Variants in TNRC6A observed in about 807,000 individuals in gnomAD.
The protein encoded by TNRC6A is trinucleotide repeat-containing gene 6A protein.
A neutral mutation model predicts 221.2 loss-of-function variants in TNRC6A; 44 were observed. The ratio of observed to expected loss-of-function variants is 0.20; its 90% CI spans 0.16 to 0.26. The LOEUF (loss-of-function observed/expected upper bound fraction) is 0.26. TNRC6A is among the 10% of genes least tolerant of loss of function. TNRC6A has a pLI of 1.00. For missense variants in TNRC6A, 2,199 were observed against 2,404.4 expected, an observed-to-expected ratio of 0.91 and a Z score of 1.79; for synonymous variants, 847 against 838.5, an observed-to-expected ratio of 1.01 and a Z score of -0.18.
chr16:24,743,476 C>T (rs2056936534), intron 2 of TNRC6A, among the ~76,000 whole-genome samples: 1 of 152,084 alleles, frequency 6.6e-6, no homozygotes, highest in African/African-American at 2.4e-5. Flanking sequence ...CAGGCATGCA[C>T]CACCACACCC....
chr16:24,744,499 C>T (rs1027966451), intron 2 of TNRC6A, among the ~76,000 whole-genome samples: 1 of 152,132 alleles, frequency 6.6e-6, no homozygotes, highest in Admixed American at 6.5e-5. Flanking sequence ...TTCACTCACT[C>T]AATCATTCAT....
chr16:24,635,629 C>A (rs1901601506), intron 1 of TNRC6A, among the ~76,000 whole-genome samples: 1 of 152,182 alleles, frequency 6.6e-6, no homozygotes, highest in Non-Finnish European at 1.5e-5. Flanking sequence ...ATTGTCTCAG[C>A]ACCCATCATA....
rs1234326270 is a variant in TNRC6A at position 24,812,113 on chromosome 16, A to G, written c.4672+2632A>G. The stretch of plus-strand genomic sequence containing the variant: ...ACCCAGGCTGGAGTGCAGTGATGCA[A>G]ATCTCTGCTCACTGCAACCCTCGTC... On this transcript the variant is annotated intron_variant, in intron 18 of 24. Coordinates refer to ENST00000395799, the MANE Select transcript of TNRC6A (RefSeq NM_014494.4). 8.6e-5 allele frequency among the ~76,000 whole-genome samples: 11 copies of G among 127,228 alleles called. No individual in the cohort carries two copies. The Admixed American group carries it at 8.9e-4, about 10-fold the overall frequency. 83.5% of individuals were successfully genotyped at this position (127,228 alleles called of 152,430 possible).
In TNRC6A at chr16:24,823,114, C is replaced by T; in HGVS notation, c.5513+101C>T. 1 of 1,502,684 alleles carries T rather than the reference C, an allele frequency of 6.7e-7. No homozygotes were observed. 93.1% of individuals were successfully genotyped at this position (1,502,684 alleles called of 1,614,324 possible). On this transcript the variant is annotated intron_variant, in intron 24 of 24. Transcript: ENST00000395799. The surrounding 1 kb of genome is among the most constrained non-coding windows in gnomAD (Gnocchi z 4.3). ...TGCACAGGGTCCTGCGTGGGTGGCT[C>T]CTGCTGGCTGCAGTAGTGCCCTGAT...
chr16:24,631,805 A>G (rs1368610116), intron 1 of TNRC6A, among the ~76,000 whole-genome samples: 1 of 151,232 alleles, frequency 6.6e-6, no homozygotes, highest in Non-Finnish European at 1.5e-5. Context: ...GAAAAACAGA[A>G]CATCCTAGGG....
At position 24,789,850 on chromosome 16, in the gene TNRC6A, A is replaced by G. The variant is rs1411838336; in HGVS notation, c.1208A>G (p.Asn403Ser). 2 of 1,614,200 alleles carry G rather than the reference A, an allele frequency of 1.2e-6. No homozygotes were observed. The highest frequency in any genetic ancestry group is 2.2e-5 in the South Asian group (2 of 91,080). ...TGCAGTACTATAGGCCAGATGCCTA[A>G]CAATCAGAGTATTAACTCTAAAGTG... is the stretch of plus-strand genomic sequence containing the variant. ...IQCSTIGQMPNNQSINSKVSG... is the reference protein window; with the variant it reads ...IQCSTIGQMPSNQSINSKVSG... Residue 403 changes from asparagine (N) to serine (S), a missense_variant, in exon 6 of 25, where the codon AAC (asparagine) becomes AGC (serine). Physicochemically the swap from Asn to Ser is conservative, Grantham distance 46. This residue lies in a region of TNRC6A where 1,405 missense variants were observed against 1,400.2 expected (regional missense o/e 1.00). Transcript: ENST00000395799.
intron 19 of TNRC6A, chr16:24,815,886 T>C (rs189274800): frequency 6.8e-4 from 107 of 157,152 alleles, no homozygotes; most frequent in Non-Finnish European, 1.2e-3. Flanking sequence ...TCGTAAGTTG[T>C]GTCAGGGAGT....
chr16:24,770,814 C>A lies in TNRC6A; in HGVS notation c.164-6119C>A, dbSNP rs990488770. Among the ~76,000 whole-genome samples, 4 of 152,222 alleles carry A rather than the reference C, an allele frequency of 2.6e-5. No individual in the cohort carries two copies. The East Asian group carries it at 7.7e-4, about 29-fold the overall frequency. On this transcript the variant is annotated intron_variant, in intron 4 of 24. Transcript: ENST00000395799. ...CAGAACCATATATTCAGTTGCATCC[C>A]GTGTGTGCATATTCTGTAGCAATGG... is the stretch of plus-strand genomic sequence containing the variant.
In TNRC6A at chr16:24,789,681, A is replaced by C. The variant is rs1384106022; in HGVS notation, c.1039A>C (p.Thr347Pro). The change falls in exon 6 of 25, where the codon ACT becomes CCT. Residue 347 changes from threonine (T) to proline (P), a missense_variant. Thr to Pro is a conservative substitution (Grantham distance 38). This residue lies in a region of TNRC6A where 1,405 missense variants were observed against 1,400.2 expected (regional missense o/e 1.00). Transcript: ENST00000395799. The stretch of plus-strand genomic sequence containing the variant: ...CAACAATAGAATGAATGCTTGGGGC[A>C]CTGTAAGTTCTTCATCAAATGGAGG... ...SSNNRMNAWG[T>P]VSSSSNGGLN... The C allele has an allele frequency of 6.2e-7, 1 of 1,614,072 alleles. No individual in the cohort carries two copies. Among genetic ancestry groups the C allele is most frequent in the Non-Finnish European group, 8.5e-7 (1 of 1,180,042 alleles).
intron 2 of TNRC6A, among the ~76,000 whole-genome samples, chr16:24,743,948 G>A (rs1054331665): frequency 6.6e-6 from 1 of 152,136 alleles, no homozygotes; most frequent in Non-Finnish European, 1.5e-5. Context: ...AGAGCCAAAC[G>A]AAATCTATTT....
chr16:24,821,806 A>G, intron 22 of TNRC6A: 1 of 489,890 alleles, frequency 2.0e-6, no homozygotes, highest in Non-Finnish European at 3.7e-6. Flanking sequence ...AGATCTCAAA[A>G]AGATGCAGCC....
At chr16:24,750,861 T>C in intron 3 of TNRC6A, 48 bp downstream of exon 3, 1 of 1,342,384 alleles carries the variant, frequency 7.4e-7, no homozygotes, top group Non-Finnish European at 9.7e-7. Flanking sequence ...AACATAGAAT[T>C]AAAAAAAAAT....
chr16:24,646,193 A>G (rs1397821433), intron 2 of TNRC6A, among the ~76,000 whole-genome samples: 1 of 152,130 alleles, frequency 6.6e-6, no homozygotes, highest in East Asian at 1.9e-4. Context: ...ACACTATGAT[A>G]TTGCTGAGAA....
intron 17 of TNRC6A, among the ~76,000 whole-genome samples, chr16:24,808,891 A>C (rs974977112): frequency 3.9e-4 from 59 of 152,228 alleles, no homozygotes; most frequent in Non-Finnish European, 7.8e-4. Flanking sequence ...TGAAATTTCC[A>C]TTCTTGTTCC....
chr16:24,758,318 GT>G lies in TNRC6A; in HGVS notation c.142-18del. On this transcript the variant is annotated intron_variant, in intron 3 of 24. Coordinates refer to ENST00000395799, the MANE Select transcript of TNRC6A (RefSeq NM_014494.4). Reference sequence around the variant, plus strand: ...CAGTTTCATATTTACATTGTTTTTTGTTTGTTTGTTTTTATTTTAGGCCACT... The same window carrying G: ...CAGTTTCATATTTACATTGTTTTTTGTTGTTTGTTTTTATTTTAGGCCACT... 6.3e-7 allele frequency: 1 copy of G among 1,598,550 alleles called. No homozygotes were observed. The highest frequency in any genetic ancestry group is 1.1e-5 in the South Asian group (1 of 90,414).
intron 2 of TNRC6A, among the ~76,000 whole-genome samples, chr16:24,699,256 A>C (rs979989384): frequency 5.3e-5 from 8 of 152,190 alleles, no homozygotes; most frequent in African/African-American, 1.9e-4. Flanking sequence ...CCACAGACTT[A>C]GTGAGGAGAG....
intron 2 of TNRC6A, chr16:24,665,068 T>G (rs1323208882): frequency 2.3e-6 from 1 of 443,642 alleles, no homozygotes; most frequent in South Asian, 1.6e-5. Context: ...ATTTATTTGT[T>G]TGTTTATTTA....
chr16:24,721,701 T>A (rs929767875), intron 2 of TNRC6A, among the ~76,000 whole-genome samples: 2 of 152,052 alleles, frequency 1.3e-5, no homozygotes, highest in African/African-American at 4.8e-5. Flanking sequence ...CAGCTACTCG[T>A]GAGGCTGAGG....
rs575794138 is a variant in TNRC6A, at chr16:24,672,436, A to T, written n.402+31427A>T. On this transcript the variant is annotated intron_variant and non_coding_transcript_variant, in intron 2 of 2. Transcript: ENST00000566108. ...AGCCACCGCGCCTGGCCCTTTGTTT[A>T]TTTTTTACTTGTTTATTTTTTTTGA... 1.1e-3 allele frequency among the ~76,000 whole-genome samples: 153 copies of T among 136,876 alleles called. No individual in the cohort carries two copies. The Middle Eastern group carries it at 0.031, about 28-fold the overall frequency. 89.8% of individuals were successfully genotyped at this position (136,876 alleles called of 152,430 possible). A position where few individuals can be genotyped will look rare whatever the true frequency, so the allele number is the denominator to read the frequency against.
Sources: gnomAD v4.1 joint callset for allele counts (sites outside exome capture counted in the v4.1 genomes callset) on GRCh38, gnomAD v4.1.1 for gene constraint, gnomAD v4.1.1 regional missense constraint, Gnocchi (gnomAD v3.1) non-coding constraint, MANE v1.5 for transcripts, NCBI Gene and HGNC (gene_info 2026-07-23, HGNC 2026-07-21) for gene names.